The following CLVS1 variants were observed in gnomAD, a reference collection of about 807,000 sequenced individuals.
CLVS1 encodes clavesin 1, also known as clavesin-1.
Under a neutral mutation model 33.1 loss-of-function variants are expected in CLVS1, and 10 were observed. The observed-to-expected ratio is 0.30, with a 90% confidence interval of 0.19 to 0.51. The LOEUF is 0.51. Among genes scored for constraint, CLVS1 ranks in the 20% least tolerant of loss-of-function variants. The pLI is 0.97. For synonymous variants in CLVS1, 163 were observed against 166.1 expected, an observed-to-expected ratio of 0.98 and a Z score of 0.14; for missense variants, 343 against 433.4, an observed-to-expected ratio of 0.79 and a Z score of 1.85.
At chr8:61,290,832 CCTT>C (rs1809962600) in intron 1 of CLVS1, among the ~76,000 whole-genome samples, 1 of 152,132 alleles carries the variant, frequency 6.6e-6, no homozygotes, top group South Asian at 2.1e-4. Context: ...CCAAGAGAGA[CCTT>C]CTTTTCAACC....
chr8:61,032,468 C>T, the CLVS1 span, among the ~76,000 whole-genome samples: 2 of 152,304 alleles, frequency 1.3e-5, no homozygotes, highest in Non-Finnish European at 2.9e-5. Flanking sequence ...GCCTATCCTC[C>T]TATGTGAGTA....
chr8:61,418,458 C>T (rs1232352903), intron 3 of CLVS1, among the ~76,000 whole-genome samples: 3 of 152,146 alleles, frequency 2.0e-5, no homozygotes, highest in African/African-American at 7.2e-5. Flanking sequence ...ACAATTTTCT[C>T]CCTTACCCCC....
intron 2 of CLVS1, among the ~76,000 whole-genome samples, chr8:61,183,641 C>T (rs1355579763): frequency 6.6e-6 from 1 of 152,168 alleles, no homozygotes; most frequent in South Asian, 2.1e-4. Context: ...ACACTAATAG[C>T]CCCCAAGGAA....
the CLVS1 span, among the ~76,000 whole-genome samples, chr8:61,049,383 C>T: frequency 1.3e-5 from 2 of 152,178 alleles, no homozygotes; most frequent in African/African-American, 4.8e-5. Context: ...AATTTATCTC[C>T]CTTTCTCCAG....
Position 61,501,473 on chromosome 8 carries a change from C to T in CLVS1, c.*1931C>T, listed in dbSNP as rs1804925453. On this transcript the variant is annotated 3_prime_UTR_variant, in exon 6 of 6. Coordinates refer to ENST00000325897, the MANE Select transcript of CLVS1 (RefSeq NM_173519.3). ...TCATTACATGAATGTAAGATGATGG[C>T]TCAAAAATGACGACTTATAGTTTGA... 4 of 152,008 alleles carry T rather than the reference C, an allele frequency of 2.6e-5. No individual in the cohort carries two copies. The South Asian group carries it at 8.3e-4, about 32-fold the overall frequency. The allele number at this position is 152,008 out of a possible 1,614,324, so 9.4% of individuals were successfully genotyped here. A position where few individuals can be genotyped will look rare whatever the true frequency, so the allele number is the denominator to read the frequency against.
chr8:61,329,097 C>T, intron 2 of CLVS1, among the ~76,000 whole-genome samples: 1 of 152,110 alleles, frequency 6.6e-6, no homozygotes, highest in East Asian at 1.9e-4. Context: ...CCCTAATAAT[C>T]TTCTTTCTTT....
the CLVS1 span, among the ~76,000 whole-genome samples, chr8:61,008,198 T>C: frequency 6.6e-6 from 1 of 151,898 alleles, no homozygotes; most frequent in Non-Finnish European, 1.5e-5. Flanking sequence ...AACGCGCAAT[T>C]ACTTTGTTAC....
the CLVS1 span, among the ~76,000 whole-genome samples, chr8:60,979,444 G>A: frequency 6.6e-6 from 1 of 152,216 alleles, no homozygotes; most frequent in Non-Finnish European, 1.5e-5. Context: ...TAGTAGAAGA[G>A]CAACAACATC....
intron 2 of CLVS1, among the ~76,000 whole-genome samples, chr8:61,167,763 C>T (rs150632009): frequency 0.026 from 4,017 of 152,144 alleles, 170 homozygotes; most frequent in African/African-American, 0.091. Context: ...GTAAAGAAGC[C>T]GGCTAAAACC....
chr8:61,177,046 C>A (rs1323637190), intron 2 of CLVS1, among the ~76,000 whole-genome samples: 1 of 151,892 alleles, frequency 6.6e-6, no homozygotes, highest in Non-Finnish European at 1.5e-5. Context: ...CTGCTAGCTG[C>A]CTAACACACT....
intron 1 of CLVS1, among the ~76,000 whole-genome samples, chr8:61,108,401 G>A (rs1349989822): frequency 6.6e-6 from 1 of 152,006 alleles, no homozygotes; most frequent in African/African-American, 2.4e-5. Context: ...ACAACTAGTC[G>A]ATTTTGCAAT....
intron 1 of CLVS1, among the ~76,000 whole-genome samples, chr8:61,108,868 CA>C (rs1326544263): frequency 6.6e-6 from 1 of 152,230 alleles, no homozygotes; most frequent in Non-Finnish European, 1.5e-5. Flanking sequence ...GTTCAGCCCT[CA>C]TGTTTAAGAT....
chr8:61,486,113 A>ATAAATAAATAAATAAG (rs1231539439), intron 5 of CLVS1, among the ~76,000 whole-genome samples: 8 of 151,786 alleles, frequency 5.3e-5, no homozygotes, highest in African/African-American at 1.9e-4. Context: ...AAATAAATAA[A>ATAAATAAATAAATAAG]TAAATAAATA....
At chr8:61,102,614 C>A (rs558422425) in intron 1 of CLVS1, among the ~76,000 whole-genome samples, 1 of 152,238 alleles carries the variant, frequency 6.6e-6, no homozygotes, top group Admixed American at 6.5e-5. Flanking sequence ...GTTGCCCTGG[C>A]TGAAAATTAT....
chr8:61,489,523 G>T (rs999327127), intron 5 of CLVS1, among the ~76,000 whole-genome samples: 10 of 152,150 alleles, frequency 6.6e-5, no homozygotes, highest in African/African-American at 2.4e-4. Context: ...TTTATTGATT[G>T]ATTGATTTGT....
chr8:61,307,739 G>T (rs1585780748), intron 2 of CLVS1, among the ~76,000 whole-genome samples: 1 of 151,902 alleles, frequency 6.6e-6, no homozygotes, highest in African/African-American at 2.4e-5. Context: ...TTGTTACATG[G>T]TTATATTGTT....
At chr8:61,332,458 A>G (rs368089446) in intron 2 of CLVS1, among the ~76,000 whole-genome samples, 14 of 152,036 alleles carry the variant, frequency 9.2e-5, no homozygotes, top group Admixed American at 2.0e-4. Flanking sequence ...TTGCTGGCTT[A>G]CTTTCTCTGG....
chr8:61,300,373 C>A lies in CLVS1; in HGVS notation c.455+91C>A, dbSNP rs1015454357. The A allele has an allele frequency of 3.4e-5, 38 of 1,129,304 alleles. No homozygotes were observed. In the South Asian group the frequency reaches 3.8e-4, roughly 11 times the overall value. The allele number at this position is 1,129,304 out of a possible 1,614,324, so 70.0% of individuals were successfully genotyped here. ...GTTGTATGGCTTTATATGTAATGGG[C>A]TTTCATTAAAAAATATTTCACATGT... On this transcript the variant is annotated intron_variant, in intron 2 of 5. Transcript: ENST00000325897.
intron 2 of CLVS1, among the ~76,000 whole-genome samples, chr8:61,197,829 T>C (rs920542722): frequency 1.2e-4 from 19 of 152,208 alleles, no homozygotes; most frequent in African/African-American, 3.4e-4. Flanking sequence ...ATACCCAGTA[T>C]GGCTTTACTC....
Sources: gnomAD v4.1 joint callset for allele counts (sites outside exome capture counted in the v4.1 genomes callset) on GRCh38, gnomAD v4.1.1 for gene constraint, MANE v1.5 for transcripts, NCBI Gene and HGNC (gene_info 2026-07-23, HGNC 2026-07-21) for gene names.